The following WWOX variants were observed in gnomAD, a reference collection of about 807,000 sequenced individuals.
The protein encoded by WWOX is WW domain-containing oxidoreductase.
Under a neutral mutation model 46.2 loss-of-function variants are expected in WWOX, and 69 were observed. The ratio of observed to expected loss-of-function variants is 1.49; its 90% confidence interval spans 1.23 to 1.82. The LOEUF is 1.82. Ranked by LOEUF, WWOX falls within the 40% of genes most tolerant of loss-of-function variation. WWOX has a pLI of 0.00. For missense variants in WWOX, 919 were observed against 542.6 expected, an observed-to-expected ratio of 1.69 and a Z score of -6.89; for synonymous variants, 359 against 202.6, an observed-to-expected ratio of 1.77 and a Z score of -6.56.
chr16:79,196,975 C>T (rs1197106654), intron 8 of WWOX, among the ~76,000 whole-genome samples: 2 of 152,160 alleles, frequency 1.3e-5, no homozygotes, highest in Non-Finnish European at 2.9e-5. Flanking sequence ...TTATTATCTA[C>T]CTGCAGAGGT....
At position 78,187,261 on chromosome 16, in the gene WWOX, A is replaced by G. The variant is rs149295638; in HGVS notation, c.516+22972A>G. 2.6e-4 allele frequency among the ~76,000 whole-genome samples: 40 copies of G among 152,318 alleles called. 1 individual carries two copies. In the East Asian group the frequency reaches 7.5e-3, roughly 29 times the overall value. Reference sequence around the variant, plus strand: ...CCTTCACACATGGCCGAGTTATGCCAAACTTTGCAAGAGGTGCCAGGTGGG... The same window carrying G: ...CCTTCACACATGGCCGAGTTATGCCGAACTTTGCAAGAGGTGCCAGGTGGG... On this transcript the variant is annotated intron_variant, in intron 5 of 8. Coordinates refer to ENST00000566780, the MANE Select transcript of WWOX (RefSeq NM_016373.4).
chr16:78,630,975 A>G (rs931443344), intron 8 of WWOX, among the ~76,000 whole-genome samples: 1 of 152,136 alleles, frequency 6.6e-6, no homozygotes, highest in Non-Finnish European at 1.5e-5. Context: ...AAATGTACCA[A>G]CTGCTTTTTT....
intron 6 of WWOX, among the ~76,000 whole-genome samples, chr16:78,407,007 C>T (rs1021464840): frequency 5.9e-5 from 9 of 152,190 alleles, no homozygotes; most frequent in African/African-American, 2.2e-4. Flanking sequence ...GCATTTTGGG[C>T]AGCTGTGGCC....
rs149085469 is a variant in WWOX at position 78,420,521 on chromosome 16, G to C, written c.606-4349G>C. The stretch of plus-strand genomic sequence containing the variant: ...CAAGGGACAGAAGCCAGTCACAAAA[G>C]ACTACGTATTGTATGGTTCCATTTA... On this transcript the variant is annotated intron_variant, in intron 6 of 8. Transcript: ENST00000566780. Among the ~76,000 whole-genome samples the C allele has an allele frequency of 8.1e-3, 1,240 of 152,240 alleles. 14 individuals carry two copies. The highest frequency in any genetic ancestry group is 0.018 in the South Asian group (88 of 4,826).
chr16:78,335,460 T>C (rs1331711406), intron 5 of WWOX, among the ~76,000 whole-genome samples: 1 of 152,170 alleles, frequency 6.6e-6, no homozygotes, highest in Non-Finnish European at 1.5e-5. Flanking sequence ...CATGATCTCT[T>C]TCCTTTTTAT....
At chr16:78,960,676 A>G (rs756066257) in intron 8 of WWOX, among the ~76,000 whole-genome samples, 2 of 152,208 alleles carry the variant, frequency 1.3e-5, no homozygotes, top group African/African-American at 2.4e-5. Context: ...ATCAGGGACA[A>G]TAGGTCCCTG....
At chr16:78,644,248 A>C (rs1360507955) in intron 8 of WWOX, among the ~76,000 whole-genome samples, 1 of 152,108 alleles carries the variant, frequency 6.6e-6, no homozygotes, top group African/African-American at 2.4e-5. Context: ...TGAATGAATG[A>C]ATGAAATACT....
intron 8 of WWOX, among the ~76,000 whole-genome samples, chr16:78,819,209 C>G (rs150055778): frequency 1.5e-3 from 224 of 152,244 alleles, no homozygotes; most frequent in African/African-American, 4.7e-3. Flanking sequence ...AAATGAGCCC[C>G]GGCTCAGCAG....
At chr16:78,491,866 C>T (rs974511673) in intron 8 of WWOX, among the ~76,000 whole-genome samples, 3 of 152,176 alleles carry the variant, frequency 2.0e-5, no homozygotes, top group Non-Finnish European at 2.9e-5. Context: ...CTCCCCTTTA[C>T]ACATTGCCGT....
intron 8 of WWOX, among the ~76,000 whole-genome samples, chr16:78,515,310 A>G (rs368351333): frequency 5.3e-5 from 8 of 152,212 alleles, no homozygotes; most frequent in African/African-American, 1.9e-4. Context: ...TAATGAGAAA[A>G]AAATAGATCT....
intron 8 of WWOX, among the ~76,000 whole-genome samples, chr16:78,519,498 T>C (rs1410446113): frequency 6.6e-6 from 1 of 151,538 alleles, no homozygotes; most frequent in African/African-American, 2.4e-5. Flanking sequence ...GAAATATATA[T>C]ATATATATTA....
At chr16:78,613,201 A>G (rs576221546) in intron 8 of WWOX, among the ~76,000 whole-genome samples, 10 of 152,116 alleles carry the variant, frequency 6.6e-5, no homozygotes, top group African/African-American at 2.4e-4. Flanking sequence ...CCCCGATCAC[A>G]TGAACGTCTA....
intron 4 of WWOX, among the ~76,000 whole-genome samples, chr16:78,135,723 A>C (rs1053046586): frequency 6.6e-6 from 1 of 152,184 alleles, no homozygotes; most frequent in Non-Finnish European, 1.5e-5. Flanking sequence ...AACAAAAAAA[A>C]CACCTTCCAC....
intron 5 of WWOX, among the ~76,000 whole-genome samples, chr16:78,326,602 T>A (rs2080629268): frequency 1.1e-5 from 1 of 87,340 alleles, no homozygotes; most frequent in Admixed American, 1.7e-4. Flanking sequence ...AATGCCTCAA[T>A]CTGTGGCAGA....
rs1017967436 is a variant in WWOX, at chr16:78,381,419, C to T, written c.517-5441C>T. The stretch of plus-strand genomic sequence containing the variant: ...CACTATATTCAAGGGAAATGGGAGA[C>T]ATGCACCTGGGTTGTTTGATTATGA... On this transcript the variant is annotated intron_variant, in intron 5 of 8. Transcript: ENST00000566780. Among the ~76,000 whole-genome samples the T allele has an allele frequency of 2.0e-5, 3 of 151,282 alleles. No homozygotes were observed. In the South Asian group the frequency reaches 6.2e-4, roughly 31 times the overall value.
At chr16:78,578,227 T>C (rs1475329512) in intron 8 of WWOX, among the ~76,000 whole-genome samples, 1 of 137,176 alleles carries the variant, frequency 7.3e-6, no homozygotes, top group Admixed American at 7.6e-5. Context: ...TTTATGTTTA[T>C]ATACAAATAT....
intron 8 of WWOX, among the ~76,000 whole-genome samples, chr16:79,059,572 C>G (rs938700043): frequency 6.6e-6 from 1 of 152,128 alleles, no homozygotes; most frequent in Non-Finnish European, 1.5e-5. Flanking sequence ...CTCACTGCAG[C>G]CTCCGCCTTC....
At chr16:79,078,190 C>G (rs889782188) in intron 8 of WWOX, 11 of 152,194 alleles carry the variant, frequency 7.2e-5, no homozygotes, top group Admixed American at 3.9e-4. Flanking sequence ...GAGGTCATTT[C>G]AGACATTCAG....
intron 8 of WWOX, among the ~76,000 whole-genome samples, chr16:78,866,100 A>G (rs1340559124): frequency 6.6e-6 from 1 of 152,210 alleles, no homozygotes; most frequent in Admixed American, 6.5e-5. Context: ...TTTTTAGAGC[A>G]ATGAAAAAAT....
Sources: gnomAD v4.1 joint callset for allele counts (sites outside exome capture counted in the v4.1 genomes callset) on GRCh38, gnomAD v4.1.1 for gene constraint, MANE v1.5 for transcripts, NCBI Gene and HGNC (gene_info 2026-07-23, HGNC 2026-07-21) for gene names.